SDK1: variants seen among roughly 807,000 people sequenced by gnomAD.
SDK1 encodes protein sidekick-1.
SDK1 carries 157 observed loss-of-function variants against 245.5 expected under a neutral mutation model. The ratio of observed to expected loss-of-function variants is 0.64; its 90% CI spans 0.56 to 0.73. The LOEUF is 0.73. Ranked by LOEUF, SDK1 falls within the 30% of genes least tolerant of loss-of-function variation. The pLI is 0.00. For synonymous variants in SDK1, 1,647 were observed against 1,278.5 expected (o/e 1.29, Z -6.15); for missense variants, 3,583 against 3,002.3 (o/e 1.19, Z -4.52).
chr7:3,949,111 C>T (rs917771617), intron 5 of SDK1, among the ~76,000 whole-genome samples: 1 of 152,114 alleles, frequency 6.6e-6, no homozygotes, highest in Non-Finnish European at 1.5e-5. Flanking sequence ...GGCAATTTTA[C>T]AAAGCGAAGG....
chr7:3,893,513 T>C (rs1781514333), intron 5 of SDK1, among the ~76,000 whole-genome samples: 1 of 152,098 alleles, frequency 6.6e-6, no homozygotes, highest in Non-Finnish European at 1.5e-5. Context: ...CTGCTTTCCA[T>C]ACCTTCTGGG....
In SDK1 at chr7:4,136,955, T is replaced by A. The variant is rs1779136233; in HGVS notation, c.4228+4532T>A. On this transcript the variant is annotated intron_variant, in intron 28 of 44. Transcript: ENST00000404826. ...GCCAGCGTGGGCGTCCTGGGGCGAT[T>A]CAGTGGCTTGCGGGTTCTCTGACCC... Among the ~76,000 whole-genome samples, 4 of 152,306 alleles carry A rather than the reference T, an allele frequency of 2.6e-5. No individual in the cohort carries two copies. The South Asian group carries it at 8.3e-4, about 32-fold the overall frequency.
chr7:3,316,709 C>T (rs971035875), intron 1 of SDK1, among the ~76,000 whole-genome samples: 1 of 152,144 alleles, frequency 6.6e-6, no homozygotes, highest in African/African-American at 2.4e-5. Context: ...TCTCTTGGCC[C>T]TTTTTTATGG....
intron 1 of SDK1, among the ~76,000 whole-genome samples, chr7:3,609,043 C>G (rs1346358310): frequency 3.3e-5 from 5 of 152,148 alleles, no homozygotes; most frequent in Non-Finnish European, 2.9e-5. Flanking sequence ...AAGGGTTAAA[C>G]AGTGCCACTC....
chr7:3,697,437 G>A (rs1784607555), intron 4 of SDK1, among the ~76,000 whole-genome samples: 1 of 152,168 alleles, frequency 6.6e-6, no homozygotes, highest in Non-Finnish European at 1.5e-5. Context: ...GTAATATGGG[G>A]AATCTGTCTT....
chr7:4,231,744 G>C lies in SDK1; in HGVS notation c.5828-1511G>C, dbSNP rs141889694. On this transcript the variant is annotated intron_variant, in intron 40 of 44. Transcript: ENST00000404826. ...ATTAACCTGTGACTGTAAGGACTTA[G>C]TCGGTGCACATTCTAAATCCTCTGC... 3.6e-4 allele frequency among the ~76,000 whole-genome samples: 55 copies of C among 152,314 alleles called. No homozygotes were observed. In the East Asian group the frequency reaches 0.01, roughly 28 times the overall value.
At chr7:3,480,562 T>G (rs976433440) in intron 1 of SDK1, among the ~76,000 whole-genome samples, 11 of 152,250 alleles carry the variant, frequency 7.2e-5, no homozygotes, top group African/African-American at 2.7e-4. Context: ...TCCTTCCAGC[T>G]CCTGCAACCA....
intron 26 of SDK1, among the ~76,000 whole-genome samples, chr7:4,127,788 C>T (rs1280376489): frequency 7.2e-5 from 11 of 152,228 alleles, no homozygotes; most frequent in Non-Finnish European, 1.6e-4. Context: ...TCGCTGGCCT[C>T]AGTGCCGCGG....
rs1583209949 is a variant in SDK1 at position 4,265,965 on chromosome 7, T to G, written c.*581T>G. On this transcript the variant is annotated 3_prime_UTR_variant, in exon 45 of 45. Transcript: ENST00000404826. ...CACTTGGCAGTGTCTAGTCAAGGAG[T>G]CGGCTTTCAGGTTCCTGACGGCCAG... 3 of 985,534 alleles carry G rather than the reference T, an allele frequency of 3.0e-6. No homozygotes were observed. The highest frequency in any genetic ancestry group is 3.6e-6 in the Non-Finnish European group (3 of 830,038). The allele number at this position is 985,534 out of a possible 1,614,324, so 61.0% of individuals were successfully genotyped here.
intron 14 of SDK1, among the ~76,000 whole-genome samples, chr7:3,993,401 A>G (rs897863570): frequency 6.6e-6 from 1 of 152,150 alleles, no homozygotes; most frequent in Non-Finnish European, 1.5e-5. Flanking sequence ...TCTTGTGGTA[A>G]ATGCTTGCAG....
Position 4,031,311 on chromosome 7 carries a change from A to G in SDK1, c.2602+13959A>G, listed in dbSNP as rs6942702. Among the ~76,000 whole-genome samples, 1,218 of 152,332 alleles carry G rather than the reference A, an allele frequency of 8.0e-3. 19 individuals are homozygous for G. Among genetic ancestry groups the G allele is most frequent in the African/African-American group, 0.028 (1,147 of 41,564 alleles). On this transcript the variant is annotated intron_variant, in intron 17 of 44. Coordinates refer to ENST00000404826, the MANE Select transcript of SDK1 (RefSeq NM_152744.4). ...ATTTCAGCAAATTATAATATTTATA[A>G]ATTGAACTTGTATATTTTGCCATAT...
intron 13 of SDK1, among the ~76,000 whole-genome samples, chr7:3,980,704 G>C (rs538921734): frequency 3.3e-5 from 5 of 152,168 alleles, no homozygotes; most frequent in Non-Finnish European, 7.3e-5. Flanking sequence ...AGCACTTTGG[G>C]AGGCCGAGGC....
intron 27 of SDK1, chr7:4,130,398 T>C: frequency 2.5e-6 from 1 of 395,678 alleles, no homozygotes; most frequent in Non-Finnish European, 4.5e-6. Flanking sequence ...GGATGTCAGC[T>C]GTGGACGCTC....
Position 4,051,751 on chromosome 7 carries a change from C to T in SDK1, c.2832C>T (p.Tyr944=). ...CGAACCTGAAGAAGTTTACCGCCTA[C>T]TTCACTTCCGTTCTGTGCTTCACCA... ...HITNLKKFTA[Y]FTSVLCFTTP... The change falls in exon 19 of 45, where the codon TAC becomes TAT. Residue 944 remains tyrosine, a synonymous_variant. Coordinates refer to ENST00000404826, the MANE Select transcript of SDK1 (RefSeq NM_152744.4). 1.9e-6 allele frequency: 3 copies of T among 1,614,052 alleles called. No individual in the cohort carries two copies. The highest frequency in any genetic ancestry group is 3.3e-5 in the Admixed American group (2 of 59,998).
chr7:4,045,594 C>T (rs534734189), intron 17 of SDK1, among the ~76,000 whole-genome samples: 28 of 152,204 alleles, frequency 1.8e-4, no homozygotes, highest in East Asian at 7.7e-4. Context: ...CACAGTTACC[C>T]GGGGGCAGGA....
chr7:3,560,205 T>C (rs1416323580), intron 1 of SDK1, among the ~76,000 whole-genome samples: 2 of 152,262 alleles, frequency 1.3e-5, no homozygotes, highest in African/African-American at 4.8e-5. Flanking sequence ...TTATCTTGAA[T>C]ACCCTAGCGT....
At chr7:3,874,618 A>G (rs763264379) in intron 5 of SDK1, among the ~76,000 whole-genome samples, 3 of 151,536 alleles carry the variant, frequency 2.0e-5, no homozygotes, top group African/African-American at 7.3e-5. Flanking sequence ...CCCCTGCCCT[A>G]TCTGCAGTGC....
At chr7:4,001,230 G>C (rs922224914) in intron 14 of SDK1, among the ~76,000 whole-genome samples, 22 of 152,224 alleles carry the variant, frequency 1.4e-4, no homozygotes, top group African/African-American at 5.1e-4. Context: ...CCCACTGCCT[G>C]CCAGCTATCT....
chr7:3,868,209 A>G (rs1780868635), intron 5 of SDK1, among the ~76,000 whole-genome samples: 1 of 152,212 alleles, frequency 6.6e-6, no homozygotes, highest in South Asian at 2.1e-4. Context: ...TAGAAGTGTT[A>G]TTATTTATTG....
Sources: allele counts gnomAD v4.1 joint callset (sites outside exome capture counted in the v4.1 genomes callset), GRCh38; gene constraint gnomAD v4.1.1; transcripts MANE v1.5; gene names NCBI Gene and HGNC (gene_info 2026-07-23, HGNC 2026-07-21).